Variants in NCKAP5 observed in about 807,000 individuals in gnomAD.
The protein encoded by NCKAP5 is NCK associated protein 5, also known as nck-associated protein 5.
Under a neutral mutation model 167.0 loss-of-function variants are expected in NCKAP5, and 92 were observed. The ratio of observed to expected loss-of-function variants is 0.55; its 90% CI spans 0.47 to 0.66. The LOEUF (loss-of-function observed/expected upper bound fraction) is 0.66, where lower values mean the gene tolerates loss of function less well. Among genes scored for constraint, NCKAP5 ranks in the 30% least tolerant of loss-of-function variants. The pLI is 0.00. For synonymous variants in NCKAP5, 891 were observed against 877.4 expected (o/e 1.02, Z -0.27); for missense variants, 2,378 against 2,315.0 (o/e 1.03, Z -0.56).
chr2:133,448,695 A>G (rs1691362478), intron 3 of NCKAP5, among the ~76,000 whole-genome samples: 1 of 152,188 alleles, frequency 6.6e-6, no homozygotes. Context: ...GGCCAAGTGC[A>G]GTGGCATGAT....
At chr2:133,305,135 T>C (rs1311603479) in intron 3 of NCKAP5, among the ~76,000 whole-genome samples, 2 of 152,138 alleles carry the variant, frequency 1.3e-5, no homozygotes, top group Non-Finnish European at 1.5e-5. Context: ...AAAATGAAGT[T>C]GGACAGTTAG....
At chr2:133,432,828 T>C (rs1440661422) in intron 3 of NCKAP5, among the ~76,000 whole-genome samples, 1 of 152,226 alleles carries the variant, frequency 6.6e-6, no homozygotes, top group Non-Finnish European at 1.5e-5. Context: ...ATCTGCACAA[T>C]ATCCTATGAA....
At chr2:132,948,150 A>T (rs1697902494) in intron 8 of NCKAP5, among the ~76,000 whole-genome samples, 1 of 152,138 alleles carries the variant, frequency 6.6e-6, no homozygotes, top group Admixed American at 6.5e-5. Flanking sequence ...TATCTAGCCA[A>T]AATAGATCCC....
chr2:133,302,452 T>TA, intron 4 of NCKAP5, among the ~76,000 whole-genome samples: 1 of 27,852 alleles, frequency 3.6e-5, no homozygotes, highest in African/African-American at 1.7e-4. Context: ...TATGCAGCCA[T>TA]AAAAAATGAT....
intron 8 of NCKAP5, chr2:132,911,236 T>C (rs569353085): frequency 1.2e-5 from 2 of 165,874 alleles, no homozygotes; most frequent in East Asian, 2.8e-4. Context: ...TCTTACAAAC[T>C]GATAAAGCAC....
intron 3 of NCKAP5, among the ~76,000 whole-genome samples, chr2:133,399,839 T>C (rs1687987329): frequency 6.6e-6 from 1 of 152,136 alleles, no homozygotes; most frequent in Non-Finnish European, 1.5e-5. Flanking sequence ...TTAAATACAC[T>C]TAAATAACTG....
chr2:133,377,510 GA>G (rs1303573419), intron 3 of NCKAP5, among the ~76,000 whole-genome samples: 2 of 152,072 alleles, frequency 1.3e-5, no homozygotes, highest in South Asian at 2.1e-4. Context: ...TCAAACTGGA[GA>G]AAAAAATCTA....
chr2:132,694,735 C>T (rs1687142909), intron 19 of NCKAP5, among the ~76,000 whole-genome samples: 1 of 152,152 alleles, frequency 6.6e-6, no homozygotes, highest in African/African-American at 2.4e-5. Context: ...ATGACCAACG[C>T]CTCACTTTGA....
the NCKAP5 span, among the ~76,000 whole-genome samples, chr2:133,588,226 G>C: frequency 6.6e-6 from 1 of 151,912 alleles, no homozygotes; most frequent in South Asian, 2.1e-4. Context: ...TGATGTGCTT[G>C]GATTCTGGCT....
chr2:133,064,691 C>T (rs76286529), intron 6 of NCKAP5, among the ~76,000 whole-genome samples: 17 of 152,170 alleles, frequency 1.1e-4, no homozygotes, highest in South Asian at 2.1e-4. Flanking sequence ...GGTGGGGATA[C>T]GCTTGGCATA....
At chr2:132,735,982 G>T (rs1452845044) in intron 16 of NCKAP5, among the ~76,000 whole-genome samples, 1 of 152,104 alleles carries the variant, frequency 6.6e-6, no homozygotes, top group Non-Finnish European at 1.5e-5. Context: ...TGTTATACCA[G>T]AGCCTATAAA....
chr2:133,564,570 CA>C (rs1688411370), intron 1 of NCKAP5, among the ~76,000 whole-genome samples: 1 of 152,180 alleles, frequency 6.6e-6, no homozygotes, highest in Non-Finnish European at 1.5e-5. Flanking sequence ...GCAGTGTAAG[CA>C]TCCCAACAGA....
the NCKAP5 span, among the ~76,000 whole-genome samples, chr2:133,616,593 C>G: frequency 3.0e-3 from 458 of 152,202 alleles, 3 homozygotes; most frequent in African/African-American, 0.011. Context: ...TCTCCCAAGA[C>G]TAAACCAGGA....
intron 19 of NCKAP5, among the ~76,000 whole-genome samples, chr2:132,697,603 CA>C (rs1687466431): frequency 3.2e-5 from 3 of 92,650 alleles, no homozygotes. Context: ...CTTAAGGTCC[CA>C]TCTTTTTTTT....
chr2:133,527,647 T>C (rs1685032256), intron 2 of NCKAP5, among the ~76,000 whole-genome samples: 1 of 152,194 alleles, frequency 6.6e-6, no homozygotes, highest in South Asian at 2.1e-4. Flanking sequence ...TAAGTAATAA[T>C]GGCTGCCAAA....
chr2:133,507,594 G>A (rs1164983638), intron 3 of NCKAP5, among the ~76,000 whole-genome samples: 1 of 152,190 alleles, frequency 6.6e-6, no homozygotes, highest in Non-Finnish European at 1.5e-5. Flanking sequence ...AGAGGGAGCA[G>A]GCCAGACAAA....
At chr2:133,579,049 G>A in the NCKAP5 span, among the ~76,000 whole-genome samples, 2 of 152,140 alleles carry the variant, frequency 1.3e-5, no homozygotes, top group Middle Eastern at 3.2e-3. Flanking sequence ...TAACCGTAAT[G>A]GTCATAAACA....
intron 5 of NCKAP5, among the ~76,000 whole-genome samples, chr2:133,175,125 T>C (rs1574273598): frequency 6.6e-6 from 1 of 152,228 alleles, no homozygotes; most frequent in African/African-American, 2.4e-5. Context: ...ACTGAACTTT[T>C]TTTTCATATG....
chr2:132,812,035 C>T (rs969749153), intron 11 of NCKAP5, among the ~76,000 whole-genome samples: 4 of 152,214 alleles, frequency 2.6e-5, no homozygotes, highest in African/African-American at 9.6e-5. Flanking sequence ...ACAAACAGAA[C>T]TTCAGCTTCT....
Sources: allele counts gnomAD v4.1 joint callset (sites outside exome capture counted in the v4.1 genomes callset), GRCh38; gene constraint gnomAD v4.1.1; transcripts MANE v1.5; gene names NCBI Gene and HGNC (gene_info 2026-07-23, HGNC 2026-07-21).